Variants in LPA observed in about 807,000 individuals in gnomAD.
LPA encodes the protein apolipoprotein(a).
A neutral mutation model predicts 197.9 loss-of-function variants in LPA; 199 were observed. That is an observed-to-expected ratio of 1.01 (90% CI 0.90 to 1.13). LPA has a LOEUF of 1.13. LPA is among the 50% of genes most tolerant of loss of function. The pLI is 0.00. For missense variants in LPA, 1,853 were observed against 1,785.8 expected (o/e 1.04, Z -0.68); for synonymous variants, 715 against 639.5 (o/e 1.12, Z -1.78).
chr6:160,555,455 A>ATATATATATATATATG (rs1287454419), intron 30 of LPA, among the ~76,000 whole-genome samples: 488 of 132,992 alleles, frequency 3.7e-3, no homozygotes, highest in Non-Finnish European at 6.2e-3. Flanking sequence ...ATATATATAT[A>ATATATATATATATATG]TGTGTGTGTA....
rs373702099 is a variant in LPA at position 160,589,630 on chromosome 6, A to G, written c.3870T>C (p.Val1290=). The change falls in exon 24 of 39, where the codon GTT becomes GTC. Residue 1290 remains valine (V), a synonymous_variant. Transcript: ENST00000316300. ...ACCAAGACTGACATGTCCTTCCTGT[A>G]ACAGTGGTGGAGAATGAGCCTCGAT... ...QSYRGSFSTT[V]TGRTCQSWSS... The G allele has an allele frequency of 1.5e-5, 24 of 1,613,830 alleles. No individual in the cohort carries two copies. Among genetic ancestry groups the G allele is most frequent in the East Asian group, 2.2e-5 (1 of 44,874 alleles).
intron 22 of LPA, among the ~76,000 whole-genome samples, chr6:160,591,605 C>A (rs968830383): frequency 6.6e-6 from 1 of 152,172 alleles, no homozygotes; most frequent in Non-Finnish European, 1.5e-5. Flanking sequence ...TACAGTTTTT[C>A]TTGATATCTT....
chr6:160,584,937 T>A (rs768110220), intron 26 of LPA, 109 bp downstream of exon 26: 2 of 1,153,462 alleles, frequency 1.7e-6, no homozygotes, highest in Non-Finnish European at 1.3e-6. Context: ...TGCTACAAAC[T>A]CTGAGTCTAT....
intron 28 of LPA, among the ~76,000 whole-genome samples, chr6:160,571,315 C>A (rs1208488805): frequency 1.3e-5 from 2 of 152,182 alleles, no homozygotes; most frequent in South Asian, 2.1e-4. Flanking sequence ...TTAGAACATG[C>A]TCCTTTAGCT....
intron 20 of LPA, 62 bp downstream of exon 20, chr6:160,599,438 A>C (rs1398905890): frequency 6.2e-7 from 1 of 1,603,300 alleles, no homozygotes; most frequent in East Asian, 2.2e-5. Context: ...TTGAAGCATG[A>C]CTCTTCTAAC....
In LPA at chr6:160,606,336, C is replaced by T. The variant is rs188966276; in HGVS notation, c.2785+141G>A. The T allele has an allele frequency of 2.3e-5, 29 of 1,280,390 alleles. No homozygotes were observed. In the Admixed American group the frequency reaches 4.6e-4, roughly 20 times the overall value. The allele number at this position is 1,280,390 out of a possible 1,614,324, so 79.3% of individuals were successfully genotyped here. A position where few individuals can be genotyped will look rare whatever the true frequency, so the allele number is the denominator to read the frequency against. On this transcript the variant is annotated intron_variant, in intron 17 of 38. Coordinates refer to ENST00000316300, the MANE Select transcript of LPA (RefSeq NM_005577.4). ...TCCGCTGGCTCCCCCAGAGAGTGCA[C>T]GGAGGCTTCCTCCTACATGACAGAA...
At chr6:160,611,372 G>A (rs1271288553) in intron 16 of LPA, among the ~76,000 whole-genome samples, 190 bp downstream of exon 16, 1 of 152,030 alleles carries the variant, frequency 6.6e-6, no homozygotes, top group Non-Finnish European at 1.5e-5. Flanking sequence ...AAAACTAGGA[G>A]GAAGGTGAGG....
rs369874296 is a variant in LPA, at chr6:160,577,344, A to G, written c.4472-49T>C. ...ATACTCAGTAATTGCATGAGCAGAG[A>G]AACATGGGAGACAATTTATGTCACA... On this transcript the variant is annotated intron_variant, in intron 27 of 38. Coordinates refer to ENST00000316300, the MANE Select transcript of LPA (RefSeq NM_005577.4). The G allele has an allele frequency of 9.6e-6, 15 of 1,568,674 alleles. No homozygotes were observed. In the African/African-American group the frequency reaches 1.5e-4, roughly 16 times the overall value.
At chr6:160,584,127 T>C (rs1342135589) in intron 26 of LPA, among the ~76,000 whole-genome samples, 3 of 152,164 alleles carry the variant, frequency 2.0e-5, no homozygotes, top group Non-Finnish European at 4.4e-5. Context: ...AGTGTGTTCA[T>C]ACAGGCTAGT....
intron 16 of LPA, among the ~76,000 whole-genome samples, chr6:160,610,261 G>C (rs1779464208): frequency 6.6e-6 from 1 of 152,122 alleles, no homozygotes. Context: ...GAAGAGAGTT[G>C]AGATTTCCTC....
intron 30 of LPA, among the ~76,000 whole-genome samples, chr6:160,550,971 G>C (rs141756012): frequency 7.2e-5 from 11 of 152,232 alleles, no homozygotes; most frequent in Admixed American, 2.0e-4. Flanking sequence ...ACAGTTTGGG[G>C]TTATAAAAAA....
chr6:160,596,964 T>C (rs944189434), intron 20 of LPA, among the ~76,000 whole-genome samples: 13 of 152,170 alleles, frequency 8.5e-5, no homozygotes, highest in Non-Finnish European at 1.3e-4. Flanking sequence ...ATGCACCGTA[T>C]GACTCCCAAA....
In LPA at chr6:160,601,114, G is replaced by A. The variant is rs775098882; in HGVS notation, c.2946-16C>T. ...GATCAAGCCACTGGAAATTCCAAAA[G>A]AATACACATCACAAAAAATGGGTAC... On this transcript the variant is annotated splice_polypyrimidine_tract_variant and intron_variant, in intron 18 of 38. Coordinates refer to ENST00000316300, the MANE Select transcript of LPA (RefSeq NM_005577.4). 3.7e-6 allele frequency: 6 copies of A among 1,613,618 alleles called. No homozygotes were observed. The highest frequency in any genetic ancestry group is 2.2e-5 in the East Asian group (1 of 44,840).
rs535364547 is a variant in LPA, at chr6:160,537,521, G to A, written c.5842+334C>T. 1.7e-3 allele frequency among the ~76,000 whole-genome samples: 266 copies of A among 152,272 alleles called. 1 individual carries two copies. The highest frequency in any genetic ancestry group is 3.0e-3 in the Non-Finnish European group (201 of 68,028). The stretch of plus-strand genomic sequence containing the variant: ...TGGGTCAAAACCCCACTTACCTGGG[G>A]AAGCAATATGAATGCTGAAATTATG... On this transcript the variant is annotated intron_variant, in intron 37 of 38. Coordinates refer to ENST00000316300, the MANE Select transcript of LPA (RefSeq NM_005577.4).
At chr6:160,576,396 A>ATATATATATATATGTG (rs1778675228) in intron 28 of LPA, among the ~76,000 whole-genome samples, 7 of 46,930 alleles carry the variant, frequency 1.5e-4, no homozygotes, top group South Asian at 7.8e-4. Flanking sequence ...ATATGTATAT[A>ATATATATATATATGTG]TATATATATA....
intron 17 of LPA, 63 bp downstream of exon 17, chr6:160,606,414 G>T: frequency 6.3e-7 from 1 of 1,588,190 alleles, no homozygotes; most frequent in Admixed American, 1.7e-5. Context: ...GCATCAGTGG[G>T]AATTTCCATG....
chr6:160,593,388 G>A (rs148555590), intron 22 of LPA, among the ~76,000 whole-genome samples: 3 of 152,120 alleles, frequency 2.0e-5, no homozygotes, highest in Non-Finnish European at 4.4e-5. Context: ...CCATCTTCCT[G>A]CATGTGTAAC....
Position 160,539,905 on chromosome 6 carries a change from C to T in LPA, c.5735+138G>A, listed in dbSNP as rs1777953516. 5.2e-6 allele frequency: 6 copies of T among 1,146,058 alleles called. No individual in the cohort carries two copies. The Admixed American group carries it at 7.4e-5, about 14-fold the overall frequency. The allele number at this position is 1,146,058 out of a possible 1,614,324, so 71.0% of individuals were successfully genotyped here. ...GCAGGGCTGGGGTTGAAGATTGATG[C>T]TGTCCCCAAAGCCCTTGAGCCTTTC... On this transcript the variant is annotated intron_variant, in intron 36 of 38. Transcript: ENST00000316300.
At chr6:160,648,537 C>G (rs973930058) in intron 2 of LPA, among the ~76,000 whole-genome samples, 1 of 151,878 alleles carries the variant, frequency 6.6e-6, no homozygotes, top group African/African-American at 2.4e-5. Flanking sequence ...CGGTTGATTT[C>G]ATTTTTCAGC....
Sources: allele counts gnomAD v4.1 joint callset (sites outside exome capture counted in the v4.1 genomes callset), GRCh38; gene constraint gnomAD v4.1.1; transcripts MANE v1.5; gene names NCBI Gene and HGNC (gene_info 2026-07-23, HGNC 2026-07-21).